The following ZNF804B variants were observed in gnomAD, a reference collection of about 807,000 sequenced individuals.
ZNF804B encodes the protein zinc finger protein 804B.
In ZNF804B, 80 loss-of-function variants were observed where a neutral mutation model predicts 101.4. The ratio of observed to expected loss-of-function variants is 0.79; its 90% confidence interval spans 0.66 to 0.95. The LOEUF (loss-of-function observed/expected upper bound fraction) is 0.95. ZNF804B is among the 40% of genes least tolerant of loss of function. The pLI, the probability that ZNF804B is intolerant of heterozygous loss-of-function variation, is 0.00. For synonymous variants in ZNF804B, 622 were observed against 558.8 expected (o/e 1.11, Z -1.59); for missense variants, 1,673 against 1,561.9 (o/e 1.07, Z -1.20).
intron 1 of ZNF804B, among the ~76,000 whole-genome samples, chr7:89,140,170 A>G (rs1175863315): frequency 1.3e-5 from 2 of 152,044 alleles, no homozygotes; most frequent in East Asian, 3.9e-4. Context: ...TTCTGAGTAG[A>G]AAAAAAATCC....
chr7:88,782,165 A>C (rs1790239240), intron 1 of ZNF804B, among the ~76,000 whole-genome samples: 1 of 148,650 alleles, frequency 6.7e-6, no homozygotes, highest in Non-Finnish European at 1.5e-5. Context: ...AGGAGAGAAA[A>C]AGAGATTGGG....
intron 1 of ZNF804B, among the ~76,000 whole-genome samples, chr7:88,815,367 A>T (rs1790859924): frequency 2.1e-5 from 3 of 143,896 alleles, no homozygotes; most frequent in African/African-American, 7.6e-5. Context: ...AACCCAGTAC[A>T]GTTTTTCAAG....
At chr7:88,929,257 A>C (rs947175786) in intron 1 of ZNF804B, among the ~76,000 whole-genome samples, 2 of 151,882 alleles carry the variant, frequency 1.3e-5, no homozygotes, top group African/African-American at 4.8e-5. Flanking sequence ...GAGTGTGCTC[A>C]TGTATTGAAT....
chr7:89,110,148 G>T (rs1389568105), intron 1 of ZNF804B, among the ~76,000 whole-genome samples: 2 of 152,098 alleles, frequency 1.3e-5, no homozygotes, highest in East Asian at 3.9e-4. Context: ...GTGGTAGGTG[G>T]GGTGCTAGGT....
intron 1 of ZNF804B, among the ~76,000 whole-genome samples, chr7:89,103,666 G>A (rs1317235872): frequency 6.6e-6 from 1 of 151,834 alleles, no homozygotes; most frequent in Non-Finnish European, 1.5e-5. Flanking sequence ...ATATAATTAT[G>A]TTATTAGTGA....
intron 3 of ZNF804B, among the ~76,000 whole-genome samples, chr7:89,328,278 A>C (rs2115985133): frequency 6.6e-6 from 1 of 152,092 alleles, no homozygotes; most frequent in Admixed American, 6.6e-5. Context: ...CTTAAAAGGT[A>C]ATTTTAAGGA....
chr7:89,264,981 T>A (rs972583333), intron 2 of ZNF804B, among the ~76,000 whole-genome samples: 8 of 151,928 alleles, frequency 5.3e-5, no homozygotes, highest in African/African-American at 1.9e-4. Context: ...TTCTCTTATA[T>A]CATATCTTTG....
intron 1 of ZNF804B, among the ~76,000 whole-genome samples, chr7:89,101,534 A>G (rs1037311310): frequency 6.6e-6 from 1 of 152,018 alleles, no homozygotes; most frequent in Admixed American, 6.6e-5. Context: ...ACTCACATTT[A>G]TAAAAGGTGT....
At chr7:89,245,675 T>C (rs1192339893) in intron 2 of ZNF804B, among the ~76,000 whole-genome samples, 1 of 152,150 alleles carries the variant, frequency 6.6e-6, no homozygotes, top group Non-Finnish European at 1.5e-5. Flanking sequence ...CTTCAGCTGC[T>C]TTGAAATAGG....
chr7:89,277,382 G>T (rs1186548781), intron 2 of ZNF804B, among the ~76,000 whole-genome samples: 1 of 146,710 alleles, frequency 6.8e-6, no homozygotes, highest in African/African-American at 2.5e-5. Context: ...CAATGTGCAG[G>T]TTAGTTACAT....
At chr7:89,062,502 T>G (rs1789395863) in intron 1 of ZNF804B, among the ~76,000 whole-genome samples, 1 of 152,172 alleles carries the variant, frequency 6.6e-6, no homozygotes, top group Non-Finnish European at 1.5e-5. Context: ...TTTGTTATTT[T>G]TATTTATATA....
chr7:89,213,405 T>C (rs1015642739), intron 1 of ZNF804B, among the ~76,000 whole-genome samples: 3 of 152,344 alleles, frequency 2.0e-5, no homozygotes, highest in African/African-American at 7.2e-5. Flanking sequence ...AGAATATGAA[T>C]TCAATTCTCA....
At chr7:89,222,920 A>T (rs982062583) in intron 2 of ZNF804B, among the ~76,000 whole-genome samples, 1 of 151,968 alleles carries the variant, frequency 6.6e-6, no homozygotes, top group Non-Finnish European at 1.5e-5. Flanking sequence ...CTTGGATAAT[A>T]TTGAAATACT....
In ZNF804B at chr7:89,156,056, CTT is replaced by C. The variant is rs1790964794; in HGVS notation, c.109-62097_109-62096del. Among the ~76,000 whole-genome samples, 186 of 77,278 alleles carry C rather than the reference CTT, an allele frequency of 2.4e-3. 1 individual carries two copies. The highest frequency in any genetic ancestry group is 8.1e-3 in the African/African-American group (180 of 22,102). 50.7% of individuals were successfully genotyped at this position (77,278 alleles called of 152,430 possible). On this transcript the variant is annotated intron_variant, in intron 1 of 3. Transcript: ENST00000333190. ...TCTTTCTTTCTTTCTTTCTTTCTTT[CTT>C]TCTTTCTTTCTTTCTCTCTTTCTCT...
At chr7:89,109,009 C>A (rs1790174920) in intron 1 of ZNF804B, among the ~76,000 whole-genome samples, 1 of 151,930 alleles carries the variant, frequency 6.6e-6, no homozygotes, top group South Asian at 2.1e-4. Context: ...GGAAAAAAGT[C>A]CAACTAATAG....
chr7:88,814,131 T>G (rs1429398212), intron 1 of ZNF804B, among the ~76,000 whole-genome samples: 4 of 152,262 alleles, frequency 2.6e-5, no homozygotes, highest in Non-Finnish European at 2.9e-5. Context: ...TGGCTAATTA[T>G]CATGTCAGTA....
intron 1 of ZNF804B, among the ~76,000 whole-genome samples, chr7:88,957,804 G>T (rs1169031514): frequency 2.7e-5 from 4 of 150,684 alleles, no homozygotes; most frequent in Non-Finnish European, 4.5e-5. Flanking sequence ...TTTCTTCTTA[G>T]TCTTAAAAAA....
chr7:89,170,251 A>G (rs1791203771), intron 1 of ZNF804B, among the ~76,000 whole-genome samples: 3 of 152,226 alleles, frequency 2.0e-5, no homozygotes, highest in Admixed American at 2.0e-4. Flanking sequence ...GGAAAAATGG[A>G]TATTTTATCT....
intron 2 of ZNF804B, among the ~76,000 whole-genome samples, chr7:89,292,082 T>C (rs191808051): frequency 3.9e-5 from 6 of 152,104 alleles, no homozygotes; most frequent in South Asian, 2.1e-4. Context: ...ATAAGGACTT[T>C]CCCAGACAAA....
Sources: gnomAD v4.1 joint callset for allele counts (sites outside exome capture counted in the v4.1 genomes callset) on GRCh38, gnomAD v4.1.1 for gene constraint, MANE v1.5 for transcripts, NCBI Gene and HGNC (gene_info 2026-07-23, HGNC 2026-07-21) for gene names.